MGST1: variants seen among roughly 807,000 people sequenced by gnomAD.
MGST1 encodes microsomal glutathione S-transferase 1, also known as glutathione S-transferase 12.
A neutral mutation model predicts 8.9 loss-of-function variants in MGST1; 5 were observed. The ratio of observed to expected loss-of-function variants is 0.56; its 90% CI spans 0.29 to 1.19. The LOEUF is 1.19. MGST1 is among the 50% of genes most tolerant of loss of function. The pLI is 0.08. For synonymous variants in MGST1, 54 were observed against 67.8 expected (o/e 0.80, Z 1.00); for missense variants, 182 against 187.4 (o/e 0.97, Z 0.17).
At position 16,546,184 on chromosome 12, in the gene MGST1, C is replaced by T. The variant is rs1010112658; in HGVS notation, n.483-43344C>T. Among the ~76,000 whole-genome samples, 1 of 152,044 alleles carries T rather than the reference C, an allele frequency of 6.6e-6. No individual in the cohort carries two copies. The highest frequency in any genetic ancestry group is 1.5e-5 in the Non-Finnish European group (1 of 67,952). On this transcript the variant is annotated intron_variant and non_coding_transcript_variant, in intron 4 of 4. Coordinates refer to the MGST1 transcript ENST00000538857. The surrounding 1 kb of genome is among the most constrained non-coding windows in gnomAD (Gnocchi z 4.7). The stretch of plus-strand genomic sequence containing the variant: ...AAGATGGGTCATATGAAAATGTTAC[C>T]TGTTTCAAATGAACTGTTTTGCTTT...
chr12:16,586,454 G>A lies in MGST1; in HGVS notation n.483-3074G>A, dbSNP rs1591814019. On this transcript the variant is annotated intron_variant and non_coding_transcript_variant, in intron 4 of 4. Transcript: ENST00000538857. The surrounding 1 kb of genome is among the most constrained non-coding windows in gnomAD (Gnocchi z 4.3). ...TCCAACACACAGCTGAGTCACAGAG[G>A]CCCTGGACAATGTGTCTGGACAAAT... Among the ~76,000 whole-genome samples, 1 of 152,124 alleles carries A rather than the reference G, an allele frequency of 6.6e-6. No individual in the cohort carries two copies. Among genetic ancestry groups the A allele is most frequent in the East Asian group, 1.9e-4 (1 of 5,194 alleles).
At position 16,394,496 on chromosome 12, in the gene MGST1, TTC is replaced by T. The variant is rs139586044; in HGVS notation, n.778+10900_778+10901del. On this transcript the variant is annotated intron_variant and non_coding_transcript_variant, in intron 1 of 1. Transcript: ENST00000359720. ...TTTCTATCTTTCTTCCTTTCTTTCT[TTC>T]TCTCTCTTTCTCTCCCTTTCTTTCT... Among the ~76,000 whole-genome samples, 171 of 60,146 alleles carry T rather than the reference TTC, an allele frequency of 2.8e-3. 11 individuals are homozygous for T. The East Asian group carries it at 0.12, about 42-fold the overall frequency. 39.5% of individuals were successfully genotyped at this position (60,146 alleles called of 152,430 possible).
Position 16,576,848 on chromosome 12 carries a change from G to C in MGST1, n.483-12680G>C, listed in dbSNP as rs1338692982. On this transcript the variant is annotated intron_variant and non_coding_transcript_variant, in intron 4 of 4. Coordinates refer to the MGST1 transcript ENST00000538857. The surrounding 1 kb of genome is among the most constrained non-coding windows in gnomAD (Gnocchi z 4.1). ...TGTACAATGGACATAAGACCTGTAG[G>C]TGGAAGTCAAAAATAAATTACTTAA... Among the ~76,000 whole-genome samples the C allele has an allele frequency of 6.6e-6, 1 of 152,158 alleles. No individual in the cohort carries two copies. The highest frequency in any genetic ancestry group is 1.5e-5 in the Non-Finnish European group (1 of 68,018).
chr12:16,470,580 T>C (rs1211154898), intron 4 of MGST1, among the ~76,000 whole-genome samples: 1 of 152,152 alleles, frequency 6.6e-6, no homozygotes, highest in Non-Finnish European at 1.5e-5. Context: ...AGGAGAGTAA[T>C]CATGGATGAG....
chr12:16,400,217 C>T, intron 1 of MGST1: 1 of 890,548 alleles, frequency 1.1e-6, no homozygotes. Context: ...TAGAACTGCA[C>T]ATCCATGTGC....
At chr12:16,527,387 A>T (rs1591752497) in intron 4 of MGST1, among the ~76,000 whole-genome samples, 1 of 152,164 alleles carries the variant, frequency 6.6e-6, no homozygotes, top group East Asian at 1.9e-4. Flanking sequence ...GTCTTACACT[A>T]ACATCATATT....
At chr12:16,518,681 A>G (rs1370575188) in intron 4 of MGST1, among the ~76,000 whole-genome samples, 1 of 152,188 alleles carries the variant, frequency 6.6e-6, no homozygotes, top group Non-Finnish European at 1.5e-5. Context: ...TTATCTGATC[A>G]GCTTAAGCTT....
intron 4 of MGST1, among the ~76,000 whole-genome samples, chr12:16,563,711 G>C (rs1246857818): frequency 3.3e-5 from 5 of 152,192 alleles, no homozygotes; most frequent in African/African-American, 9.6e-5. Flanking sequence ...ACATCCTCTA[G>C]ATAAGAGGGC....
At position 16,462,850 on chromosome 12, in the gene MGST1, G is replaced by A. The variant is rs559120343; in HGVS notation, n.482+79246G>A. The stretch of plus-strand genomic sequence containing the variant: ...CAGATCTCCTAGCTACAGGTTTGGC[G>A]TTGTTTCTACAACATTTCAGGAAAG... On this transcript the variant is annotated intron_variant and non_coding_transcript_variant, in intron 4 of 4. Coordinates refer to the MGST1 transcript ENST00000538857. Among the ~76,000 whole-genome samples the A allele has an allele frequency of 1.6e-4, 25 of 152,246 alleles. 2 individuals are homozygous for A. In the South Asian group the frequency reaches 3.5e-3, roughly 21 times the overall value.
At chr12:16,551,197 T>C (rs1391518229) in intron 4 of MGST1, 1 of 1,387,244 alleles carries the variant, frequency 7.2e-7, no homozygotes, top group Admixed American at 1.7e-5. Context: ...GTGCTTTGTA[T>C]TCTTAATGGG....
At chr12:16,505,924 T>A (rs982627300) in intron 4 of MGST1, among the ~76,000 whole-genome samples, 1 of 152,230 alleles carries the variant, frequency 6.6e-6, no homozygotes, top group Non-Finnish European at 1.5e-5. Context: ...ACTCAGTCCT[T>A]GTCATTTGTT....
intron 4 of MGST1, among the ~76,000 whole-genome samples, chr12:16,545,113 T>A (rs1260344086): frequency 6.6e-6 from 1 of 152,140 alleles, no homozygotes; most frequent in Admixed American, 6.5e-5. Flanking sequence ...GTTTTTAAAG[T>A]ACTTGAAACT....
intron 4 of MGST1, among the ~76,000 whole-genome samples, chr12:16,507,778 C>A (rs935148330): frequency 6.6e-6 from 1 of 152,000 alleles, no homozygotes; most frequent in African/African-American, 2.4e-5. Flanking sequence ...ATCATGAGAA[C>A]AACAGGGAGG....
chr12:16,555,102 T>G lies in MGST1; in HGVS notation n.483-34426T>G, dbSNP rs928602250. Among the ~76,000 whole-genome samples, 1 of 152,250 alleles carries G rather than the reference T, an allele frequency of 6.6e-6. No individual in the cohort carries two copies. Among genetic ancestry groups the G allele is most frequent in the Admixed American group, 6.5e-5 (1 of 15,286 alleles). On this transcript the variant is annotated intron_variant and non_coding_transcript_variant, in intron 4 of 4. Transcript: ENST00000538857. The surrounding 1 kb of genome is among the most constrained non-coding windows in gnomAD (Gnocchi z 5.5). The stretch of plus-strand genomic sequence containing the variant: ...TGGGATATTTTGAGTATTAAACGAA[T>G]GAGTACATGTAAAACACTCAGAACG...
chr12:16,400,237 C>T, intron 1 of MGST1: 1 of 858,118 alleles, frequency 1.2e-6, no homozygotes. Context: ...CCACTTCTTC[C>T]CAAACATGAT....
intron 4 of MGST1, among the ~76,000 whole-genome samples, chr12:16,449,072 T>C (rs541927019): frequency 4.1e-4 from 63 of 152,070 alleles, no homozygotes; most frequent in African/African-American, 1.5e-3. Context: ...GTAACTTTAG[T>C]TGTTATATTA....
chr12:16,405,881 CTT>C (rs1313247781), intron 1 of MGST1, among the ~76,000 whole-genome samples: 2 of 152,050 alleles, frequency 1.3e-5, no homozygotes, highest in African/African-American at 4.8e-5. Flanking sequence ...ATTAAAAACT[CTT>C]AAACTGGATA....
intron 4 of MGST1, among the ~76,000 whole-genome samples, chr12:16,493,140 G>A (rs917183921): frequency 1.3e-5 from 2 of 152,288 alleles, no homozygotes; most frequent in Admixed American, 6.5e-5. Flanking sequence ...TTATGGTTGT[G>A]CCAGTGACCA....
rs922128223 is a variant in MGST1, at chr12:16,497,026, T to C, written n.483-92502T>C. 3.9e-5 allele frequency among the ~76,000 whole-genome samples: 6 copies of C among 152,152 alleles called. No individual in the cohort carries two copies. The highest frequency in any genetic ancestry group is 3.9e-4 in the Admixed American group (6 of 15,258). ...TAAAAGAGGAAGAAGTTATGGATTA[T>C]AGAAAGGGAATAACTTAGATGCTGT... On this transcript the variant is annotated intron_variant and non_coding_transcript_variant, in intron 4 of 4. Coordinates refer to the MGST1 transcript ENST00000538857. The surrounding 1 kb of genome is among the most constrained non-coding windows in gnomAD (Gnocchi z 4.4).
Sources: gnomAD v4.1 joint callset for allele counts (sites outside exome capture counted in the v4.1 genomes callset) on GRCh38, gnomAD v4.1.1 for gene constraint, Gnocchi (gnomAD v3.1) non-coding constraint, MANE v1.5 for transcripts, NCBI Gene and HGNC (gene_info 2026-07-23, HGNC 2026-07-21) for gene names.